TLE2: variants seen among roughly 807,000 people sequenced by gnomAD.
TLE2 encodes the protein TLE family member 2, transcriptional corepressor, also known as transducin-like enhancer protein 2.
TLE2 carries 74 observed loss-of-function variants against 97.2 expected under a neutral mutation model. The ratio of observed to expected loss-of-function variants is 0.76; its 90% CI spans 0.63 to 0.92. The LOEUF (loss-of-function observed/expected upper bound fraction) is 0.92, where lower values mean the gene tolerates loss of function less well. Among genes scored for constraint, TLE2 ranks in the 40% least tolerant of loss-of-function variants. The pLI, the probability that TLE2 is intolerant of heterozygous loss-of-function variation, is 0.00. For missense variants in TLE2, 1,038 were observed against 1,008.7 expected, an observed-to-expected ratio of 1.03 and a Z score of -0.39; for synonymous variants, 499 against 432.1, an observed-to-expected ratio of 1.15 and a Z score of -1.92.
At chr19:3,000,841 T>C (rs3894589) in intron 18 of TLE2, 118 bp from the exon 19 acceptor site, 60 of 687,790 alleles carry the variant, frequency 8.7e-5, no homozygotes, top group African/African-American at 7.9e-4. Context: ...TTTTTTTTTT[T>C]CCAAGAAAGG....
rs1776376064 is a variant in TLE2, at chr19:3,019,570, C to A, written c.370-107G>T. 4.0e-6 allele frequency: 6 copies of A among 1,500,320 alleles called. No homozygotes were observed. Among genetic ancestry groups the A allele is most frequent in the Non-Finnish European group, 4.5e-6 (5 of 1,120,376 alleles). 92.9% of individuals were successfully genotyped at this position (1,500,320 alleles called of 1,614,324 possible). A position where few individuals can be genotyped will look rare whatever the true frequency, so the allele number is the denominator to read the frequency against. On this transcript the variant is annotated intron_variant, in intron 6 of 19. Coordinates refer to ENST00000262953, the MANE Select transcript of TLE2 (RefSeq NM_003260.5). The surrounding 1 kb of genome is among the most constrained non-coding windows in gnomAD (Gnocchi z 5.1). ...GATGGGACCTAAGCACAGCATGTGC[C>A]CCTGGGGTTCCCAGGACCACTGGAG...
intron 13 of TLE2, 36 bp downstream of exon 13, chr19:3,009,506 T>G: frequency 6.4e-7 from 1 of 1,558,742 alleles, no homozygotes; most frequent in Non-Finnish European, 8.7e-7. Flanking sequence ...CCCTGGGCCC[T>G]GCTGACACCT....
chr19:3,006,555 G>C lies in TLE2; in HGVS notation c.1365C>G (p.Ala455=). The C allele has an allele frequency of 6.2e-7, 1 of 1,604,510 alleles. No individual in the cohort carries two copies. Residue 455 remains alanine (A), a synonymous_variant, in exon 15 of 20, where the codon GCC becomes GCG. Coordinates refer to ENST00000262953, the MANE Select transcript of TLE2 (RefSeq NM_003260.5). The part of the protein sequence containing the change: ...PRHARQLHTL[A]HGEVVCAVTI... ...TGACCGCGCAGACCACCTCGCCATG[G>C]GCCAGCGTGTGCAGCTGCCGGGCGT...
chr19:3,009,707 G>C lies in TLE2; in HGVS notation c.1013-5C>G, dbSNP rs369725523. 23 of 1,608,162 alleles carry C rather than the reference G, an allele frequency of 1.4e-5. No individual in the cohort carries two copies. The highest frequency in any genetic ancestry group is 1.9e-5 in the Non-Finnish European group (22 of 1,177,702). ...GAGTCAGGGGGCTCCTCAGGGCTGA[G>C]ACGGAAGAGTCGGGGACAGGTTTTG... On this transcript the variant is annotated splice_region_variant and splice_polypyrimidine_tract_variant and intron_variant, in intron 12 of 19. Coordinates refer to ENST00000262953, the MANE Select transcript of TLE2 (RefSeq NM_003260.5).
At chr19:3,036,899 G>T (rs184079127) in intron 1 of TLE2, among the ~76,000 whole-genome samples, 1 of 152,312 alleles carries the variant, frequency 6.6e-6, no homozygotes, top group East Asian at 1.9e-4. Flanking sequence ...GAGGATCAGA[G>T]CTGGGGGTGG....
chr19:3,009,551 G>A lies in TLE2; in HGVS notation c.1164C>T (p.Arg388=). The part of the protein sequence containing the change: ...PQVSSSVVYG[R]SPVMAFESHP... ...CCACCCAAGGACTCACCACGGGGGA[G>A]CGTCCGTACACCACAGAGCTGCTGA... is the stretch of plus-strand genomic sequence containing the variant. The change falls in exon 13 of 20, where the codon CGC becomes CGT. Residue 388 remains arginine (R), a synonymous_variant. Coordinates refer to ENST00000262953, the MANE Select transcript of TLE2 (RefSeq NM_003260.5). 8 of 1,606,798 alleles carry A rather than the reference G, an allele frequency of 5.0e-6. No homozygotes were observed. The highest frequency in any genetic ancestry group is 6.8e-6 in the Non-Finnish European group (8 of 1,176,668).
At chr19:3,014,310 T>C (rs974290400) in intron 10 of TLE2, among the ~76,000 whole-genome samples, 1 of 152,024 alleles carries the variant, frequency 6.6e-6, no homozygotes, top group Admixed American at 6.6e-5. Flanking sequence ...ATTGAACAGA[T>C]GGGGAAAAGT....
At chr19:3,005,233 G>C (rs216279) in intron 17 of TLE2, among the ~76,000 whole-genome samples, 11,357 of 152,188 alleles carry the variant, frequency 0.075, 833 homozygotes, top group African/African-American at 0.19. Context: ...AGCTTCCTAT[G>C]AATCAGCTCT....
intron 3 of TLE2, 23 bp downstream of exon 3, chr19:3,028,296 C>T (rs1385276472): frequency 6.3e-7 from 1 of 1,599,962 alleles, no homozygotes; most frequent in Non-Finnish European, 8.5e-7. Context: ...CTCCCCTCAC[C>T]CTGGCATCAT....
At chr19:3,004,542 G>A (rs1166326172) in intron 17 of TLE2, among the ~76,000 whole-genome samples, 1 of 151,172 alleles carries the variant, frequency 6.6e-6, no homozygotes, top group Non-Finnish European at 1.5e-5. Flanking sequence ...AGGTGGCTGA[G>A]GCACAAGAAT....
intron 1 of TLE2, among the ~76,000 whole-genome samples, chr19:3,042,139 G>T (rs1029149071): frequency 6.0e-5 from 9 of 150,350 alleles, no homozygotes; most frequent in Non-Finnish European, 1.5e-5. Flanking sequence ...ACCCGAGAAG[G>T]GGGTGTAGGA....
chr19:3,009,950 T>C (rs2089560174), intron 12 of TLE2, among the ~76,000 whole-genome samples: 2 of 151,694 alleles, frequency 1.3e-5, no homozygotes, highest in South Asian at 4.2e-4. Context: ...AGTGGCGCGA[T>C]CTCGGCTCAC....
intron 19 of TLE2, 48 bp downstream of exon 19, chr19:3,000,599 C>G (rs2089334717): frequency 8.5e-6 from 13 of 1,528,134 alleles, no homozygotes; most frequent in Non-Finnish European, 1.2e-5. Context: ...CCCTGGCATA[C>G]CCGGGCACAT....
At chr19:3,021,390 C>A (rs1410962568) in intron 5 of TLE2, among the ~76,000 whole-genome samples, 1 of 150,008 alleles carries the variant, frequency 6.7e-6, no homozygotes. Context: ...GGTGACAGAG[C>A]GAGACTCAGT....
At position 3,023,146 on chromosome 19, in the gene TLE2, C is replaced by A. The variant is rs11084992; in HGVS notation, c.294+1874G>T. ...CTCGGCTCACTGCAACCTCCACCCC[C>A]CGGGTTCAAGCAATTCTCCTGCCTC... On this transcript the variant is annotated intron_variant, in intron 5 of 19. Transcript: ENST00000262953. 5.6e-4 allele frequency among the ~76,000 whole-genome samples: 85 copies of A among 152,052 alleles called. 1 individual carries two copies. The East Asian group carries it at 0.015, about 28-fold the overall frequency.
In TLE2 at chr19:3,011,297, T is replaced by G. The variant is rs543708564; in HGVS notation, c.874-137A>C. ...AATCCCAGCACTTTGGGAGGCCCAGTCGGGCGGATCACCTGAGGTCAGGAG... is the reference window on the plus strand; with the variant it reads ...AATCCCAGCACTTTGGGAGGCCCAGGCGGGCGGATCACCTGAGGTCAGGAG... On this transcript the variant is annotated intron_variant, in intron 11 of 19. Coordinates refer to ENST00000262953, the MANE Select transcript of TLE2 (RefSeq NM_003260.5). 2,215 of 924,014 alleles carry G rather than the reference T, an allele frequency of 2.4e-3. 4 individuals carry two copies. Among genetic ancestry groups the G allele is most frequent in the Non-Finnish European group, 3.0e-3 (1,912 of 643,782 alleles). 57.2% of individuals were successfully genotyped at this position (924,014 alleles called of 1,614,324 possible). A position where few individuals can be genotyped will look rare whatever the true frequency, so the allele number is the denominator to read the frequency against.
intron 8 of TLE2, chr19:3,015,985 G>A (rs958590294): frequency 1.6e-6 from 1 of 627,362 alleles, no homozygotes; most frequent in East Asian, 3.2e-5. Flanking sequence ...TGCCCAGGCT[G>A]GAGTGCAGTG....
upstream of TLE2, among the ~76,000 whole-genome samples, chr19:3,046,898 C>G (rs991153447): frequency 2.8e-5 from 4 of 145,040 alleles, no homozygotes; most frequent in African/African-American, 1.0e-4. Context: ...ATCGCTGTGC[C>G]TCCCCCTCCT....
intron 1 of TLE2, among the ~76,000 whole-genome samples, chr19:3,040,992 TA>T (rs1292870455): frequency 4.9e-4 from 10 of 20,248 alleles, no homozygotes; most frequent in African/African-American, 3.3e-3. Flanking sequence ...TGCTGCCATT[TA>T]TATATATATA....
Sources: allele counts gnomAD v4.1 joint callset (sites outside exome capture counted in the v4.1 genomes callset), GRCh38; gene constraint gnomAD v4.1.1; non-coding constraint Gnocchi (gnomAD v3.1); transcripts MANE v1.5; gene names NCBI Gene and HGNC (gene_info 2026-07-23, HGNC 2026-07-21).